The following DCDC2 variants were observed in gnomAD, a reference collection of about 807,000 sequenced individuals.
DCDC2 encodes doublecortin domain containing 2.
Under a neutral mutation model 50.2 loss-of-function variants are expected in DCDC2, and 40 were observed. That is an observed-to-expected ratio of 0.80 (90% CI 0.62 to 1.04). The LOEUF (loss-of-function observed/expected upper bound fraction) is 1.04, where lower values mean the gene tolerates loss of function less well. DCDC2 is among the 50% of genes least tolerant of loss of function. The pLI is 0.00. For synonymous variants in DCDC2, 234 were observed against 210.6 expected, an observed-to-expected ratio of 1.11 and a Z score of -0.96; for missense variants, 570 against 581.9, an observed-to-expected ratio of 0.98 and a Z score of 0.21.
rs541022909 is a variant in DCDC2, at chr6:24,176,665, T to C, written c.1326+1665A>G. Reference sequence around the variant, plus strand: ...CTGTTAGTGATTTTCAAGTATACAATACATTGTTATTATACGTTAGACACC... The same window carrying C: ...CTGTTAGTGATTTTCAAGTATACAACACATTGTTATTATACGTTAGACACC... On this transcript the variant is annotated intron_variant, in intron 9 of 9. Coordinates refer to ENST00000378454, the MANE Select transcript of DCDC2 (RefSeq NM_016356.5). Among the ~76,000 whole-genome samples the C allele has an allele frequency of 7.9e-5, 12 of 152,312 alleles. No homozygotes were observed. In the East Asian group the frequency reaches 2.3e-3, roughly 29 times the overall value.
At chr6:24,332,932 T>C (rs1167044084) in intron 2 of DCDC2, among the ~76,000 whole-genome samples, 1 of 152,172 alleles carries the variant, frequency 6.6e-6, no homozygotes, top group Non-Finnish European at 1.5e-5. Context: ...ACTTCAGCTA[T>C]GCAACCCCAC....
intron 7 of DCDC2, among the ~76,000 whole-genome samples, chr6:24,214,608 A>G (rs1761937957): frequency 6.6e-6 from 1 of 152,226 alleles, no homozygotes; most frequent in African/African-American, 2.4e-5. Context: ...AAGTGTATAT[A>G]TAGCTTTAAT....
intron 7 of DCDC2, among the ~76,000 whole-genome samples, chr6:24,256,274 ATT>A (rs1554114222): frequency 4.9e-5 from 7 of 143,508 alleles, no homozygotes; most frequent in African/African-American, 1.3e-4. Flanking sequence ...GATGCTGGAC[ATT>A]TTTTTTTTTT....
At chr6:24,288,191 C>T (rs760210413) in intron 6 of DCDC2, among the ~76,000 whole-genome samples, 13 of 152,136 alleles carry the variant, frequency 8.5e-5, no homozygotes, top group African/African-American at 2.7e-4. Flanking sequence ...CACAACTTGT[C>T]GGGCAATTCA....
chr6:24,274,066 G>A (rs1353661804), intron 7 of DCDC2, among the ~76,000 whole-genome samples: 1 of 152,186 alleles, frequency 6.6e-6, no homozygotes, highest in Non-Finnish European at 1.5e-5. Flanking sequence ...TCCATCAAAA[G>A]AATACAACTC....
In DCDC2 at chr6:24,173,711, G is replaced by GA. The variant is rs2113734129; in HGVS notation, c.*1018dup. 6.6e-6 allele frequency: 1 copy of GA among 152,078 alleles called. No individual in the cohort carries two copies. The highest frequency in any genetic ancestry group is 2.4e-5 in the African/African-American group (1 of 41,490). The allele number at this position is 152,078 out of a possible 1,614,324, so 9.4% of individuals were successfully genotyped here. A position where few individuals can be genotyped will look rare whatever the true frequency, so the allele number is the denominator to read the frequency against. ...TGAAATTCTAACTATATCATGCTAG[G>GA]AAAAATAAATATTTGCTGATATCCC... On this transcript the variant is annotated 3_prime_UTR_variant, in exon 10 of 10. Transcript: ENST00000378454.
intron 2 of DCDC2, among the ~76,000 whole-genome samples, chr6:24,326,522 A>T (rs927191615): frequency 6.7e-6 from 1 of 149,396 alleles, no homozygotes; most frequent in African/African-American, 2.4e-5. Flanking sequence ...GCCAACATTT[A>T]TCTAGCAGAA....
chr6:24,262,482 G>C (rs891896698), intron 7 of DCDC2, among the ~76,000 whole-genome samples: 51 of 152,342 alleles, frequency 3.3e-4, no homozygotes, highest in African/African-American at 1.2e-3. Context: ...TGCCCTTGGA[G>C]CCAGTGGACT....
At chr6:24,300,533 C>CA (rs1759350070) in intron 4 of DCDC2, among the ~76,000 whole-genome samples, 1 of 152,162 alleles carries the variant, frequency 6.6e-6, no homozygotes, top group Non-Finnish European at 1.5e-5. Flanking sequence ...TTTTTTGCCA[C>CA]ATGTAAAGTA....
At chr6:24,331,532 G>A (rs1045103354) in intron 2 of DCDC2, among the ~76,000 whole-genome samples, 5 of 151,830 alleles carry the variant, frequency 3.3e-5, no homozygotes, top group African/African-American at 1.2e-4. Flanking sequence ...CGATACTAAA[G>A]TACAAAAGTT....
intron 9 of DCDC2, 145 bp downstream of exon 9, chr6:24,178,185 G>T: frequency 1.3e-6 from 1 of 783,082 alleles, no homozygotes; most frequent in Non-Finnish European, 2.1e-6. Flanking sequence ...GTAAGTAAAG[G>T]GATTAAATGG....
At chr6:24,175,972 C>T (rs555431545) in intron 9 of DCDC2, among the ~76,000 whole-genome samples, 2 of 152,078 alleles carry the variant, frequency 1.3e-5, no homozygotes, top group Non-Finnish European at 2.9e-5. Flanking sequence ...AAGATTAAAT[C>T]TCTTTGTGAG....
At chr6:24,306,111 G>T (rs564502885) in intron 2 of DCDC2, among the ~76,000 whole-genome samples, 70 of 152,210 alleles carry the variant, frequency 4.6e-4, no homozygotes, top group Middle Eastern at 3.4e-3. Flanking sequence ...GTTACAAGGA[G>T]ATGGACACCT....
chr6:24,275,514 G>A (rs975222788), intron 7 of DCDC2, among the ~76,000 whole-genome samples: 1 of 152,036 alleles, frequency 6.6e-6, no homozygotes, highest in Non-Finnish European at 1.5e-5. Context: ...AATGCTTCTA[G>A]ATCAGTGGTA....
intron 7 of DCDC2, among the ~76,000 whole-genome samples, chr6:24,252,281 T>C (rs1762809840): frequency 6.6e-6 from 1 of 152,194 alleles, no homozygotes; most frequent in Non-Finnish European, 1.5e-5. Context: ...GTTAAATCTG[T>C]ATATTTAACT....
At chr6:24,276,093 A>C (rs1437117110) in intron 7 of DCDC2, among the ~76,000 whole-genome samples, 1 of 151,888 alleles carries the variant, frequency 6.6e-6, no homozygotes, top group Non-Finnish European at 1.5e-5. Context: ...GGCTGGTCTC[A>C]AACTCAAGCA....
intron 2 of DCDC2, among the ~76,000 whole-genome samples, chr6:24,337,066 A>T (rs1348497093): frequency 1.3e-5 from 2 of 152,126 alleles, no homozygotes; most frequent in Admixed American, 1.3e-4. Flanking sequence ...TCTTCCTCCC[A>T]TCCTTCAAGT....
chr6:24,213,646 A>T (rs1761923026), intron 7 of DCDC2, among the ~76,000 whole-genome samples: 1 of 152,160 alleles, frequency 6.6e-6, no homozygotes, highest in South Asian at 2.1e-4. Flanking sequence ...ACAGATATAG[A>T]TTGTTGTCAT....
chr6:24,190,813 A>G (rs1337993458), intron 8 of DCDC2, among the ~76,000 whole-genome samples: 5 of 152,230 alleles, frequency 3.3e-5, no homozygotes, highest in African/African-American at 1.2e-4. Context: ...AGAGTATATG[A>G]CTTGAAAATA....
Sources: gnomAD v4.1 joint callset for allele counts (sites outside exome capture counted in the v4.1 genomes callset) on GRCh38, gnomAD v4.1.1 for gene constraint, MANE v1.5 for transcripts, NCBI Gene and HGNC (gene_info 2026-07-23, HGNC 2026-07-21) for gene names.